GABBR2: variants seen among roughly 807,000 people sequenced by gnomAD.
GABBR2 encodes the protein G-protein coupled receptor 51.
A neutral mutation model predicts 105.6 loss-of-function variants in GABBR2; 23 were observed. The ratio of observed to expected loss-of-function variants is 0.22; its 90% CI spans 0.16 to 0.31. GABBR2 has a LOEUF of 0.31. Ranked by LOEUF, GABBR2 falls within the 10% of genes least tolerant of loss-of-function variation. GABBR2 has a pLI of 1.00. For synonymous variants in GABBR2, 478 were observed against 499.7 expected (o/e 0.96, Z 0.58); for missense variants, 734 against 1,245.5 (o/e 0.59, Z 6.18).
intron 3 of GABBR2, among the ~76,000 whole-genome samples, chr9:98,497,345 G>T (rs1827301991): frequency 6.6e-6 from 1 of 152,064 alleles, no homozygotes; most frequent in Non-Finnish European, 1.5e-5. Flanking sequence ...CAGACCTTCT[G>T]ATTTTTGAGG....
chr9:98,471,878 T>C (rs1826689214), intron 6 of GABBR2, among the ~76,000 whole-genome samples: 2 of 152,234 alleles, frequency 1.3e-5, no homozygotes, highest in Admixed American at 1.3e-4. Context: ...CTGCTCATTA[T>C]TCAACATCTC....
intron 13 of GABBR2, among the ~76,000 whole-genome samples, chr9:98,358,549 C>G (rs1165076295): frequency 6.6e-6 from 1 of 152,212 alleles, no homozygotes; most frequent in Non-Finnish European, 1.5e-5. Flanking sequence ...ACTGACTTGT[C>G]TGTCTTCCTA....
intron 1 of GABBR2, among the ~76,000 whole-genome samples, chr9:98,684,637 G>C (rs1830597976): frequency 6.6e-6 from 1 of 152,160 alleles, no homozygotes; most frequent in Non-Finnish European, 1.5e-5. Flanking sequence ...GTATATTCTG[G>C]AAAGGGGGCT....
intron 1 of GABBR2, among the ~76,000 whole-genome samples, chr9:98,627,171 T>C (rs2131825944): frequency 6.6e-6 from 1 of 152,220 alleles, no homozygotes; most frequent in East Asian, 1.9e-4. Flanking sequence ...TGACCCCCAA[T>C]GTCAGATGTC....
At chr9:98,606,051 T>C (rs1201013950) in intron 1 of GABBR2, among the ~76,000 whole-genome samples, 1 of 152,198 alleles carries the variant, frequency 6.6e-6, no homozygotes, top group Non-Finnish European at 1.5e-5. Flanking sequence ...TGCTATAGTT[T>C]GCTGAGAATG....
At chr9:98,393,034 CCAT>C (rs1832214395) in intron 9 of GABBR2, among the ~76,000 whole-genome samples, 1 of 42,820 alleles carries the variant, frequency 2.3e-5, no homozygotes, top group South Asian at 9.8e-4. Flanking sequence ...ATCCACCCAT[CCAT>C]CCATCCATCC....
intron 6 of GABBR2, among the ~76,000 whole-genome samples, chr9:98,460,096 T>C (rs761942071): frequency 2.0e-5 from 3 of 152,190 alleles, no homozygotes; most frequent in African/African-American, 7.2e-5. Flanking sequence ...CTTGACATTA[T>C]TAGACATGAA....
In GABBR2 at chr9:98,507,682, G is replaced by A. The variant is rs181015691; in HGVS notation, c.631-11168C>T. On this transcript the variant is annotated intron_variant, in intron 3 of 18. Coordinates refer to ENST00000259455, the MANE Select transcript of GABBR2 (RefSeq NM_005458.8). ...ATCTTGAAATGCCAACATGCTGTTT[G>A]AAGCCTTCCCTTGTTCCCAGGCTAG... Among the ~76,000 whole-genome samples, 47 of 152,334 alleles carry A rather than the reference G, an allele frequency of 3.1e-4. 1 individual carries two copies. The highest frequency in any genetic ancestry group is 5.7e-4 in the Non-Finnish European group (39 of 68,038).
intron 7 of GABBR2, among the ~76,000 whole-genome samples, chr9:98,438,553 A>G (rs75472421): frequency 0.017 from 2,515 of 151,346 alleles, 73 homozygotes; most frequent in African/African-American, 0.059. Flanking sequence ...AGTTGGTAGT[A>G]GAAGTTAATT....
chr9:98,431,105 G>A (rs112604906), intron 7 of GABBR2, among the ~76,000 whole-genome samples: 5,010 of 151,698 alleles, frequency 0.033, 151 homozygotes, highest in African/African-American at 0.073. Context: ...TTACCTACTC[G>A]CTTGCACAAC....
chr9:98,577,421 C>T (rs1171284585), intron 2 of GABBR2, among the ~76,000 whole-genome samples: 1 of 152,170 alleles, frequency 6.6e-6, no homozygotes, highest in African/African-American at 2.4e-5. Context: ...GCAAGGAGAC[C>T]AGGAAAGACT....
chr9:98,385,871 C>T (rs770107301), intron 10 of GABBR2, 99 bp from the exon 11 acceptor site: 17 of 957,598 alleles, frequency 1.8e-5, no homozygotes, highest in Non-Finnish European at 2.8e-5. Flanking sequence ...TATTGTTGCT[C>T]AGGCTAGAGG....
At chr9:98,308,236 C>T (rs767775871) in intron 14 of GABBR2, among the ~76,000 whole-genome samples, 8 of 152,130 alleles carry the variant, frequency 5.3e-5, no homozygotes, top group Non-Finnish European at 8.8e-5. Flanking sequence ...TGAAGGTCTC[C>T]ACAATAAATG....
At chr9:98,298,102 A>G (rs1269305408) in intron 17 of GABBR2, among the ~76,000 whole-genome samples, 3 of 151,530 alleles carry the variant, frequency 2.0e-5, no homozygotes, top group Non-Finnish European at 4.4e-5. Flanking sequence ...CCACAATACC[A>G]TTTCTTTTCA....
intron 11 of GABBR2, among the ~76,000 whole-genome samples, chr9:98,379,987 G>C (rs1831943773): frequency 6.7e-6 from 1 of 150,334 alleles, no homozygotes; most frequent in Admixed American, 6.6e-5. Flanking sequence ...TTTTTTTCTG[G>C]TATAAGCCAG....
intron 13 of GABBR2, among the ~76,000 whole-genome samples, chr9:98,359,141 T>C (rs773658242): frequency 2.6e-5 from 4 of 152,204 alleles, no homozygotes; most frequent in African/African-American, 7.2e-5. Context: ...TTATGACATA[T>C]AAATGGCTGG....
intron 1 of GABBR2, among the ~76,000 whole-genome samples, chr9:98,619,734 C>T (rs1829642073): frequency 2.0e-5 from 3 of 152,056 alleles, no homozygotes; most frequent in African/African-American, 4.8e-5. Context: ...TGATTGAGGG[C>T]CCTGATTAAT....
At chr9:98,679,390 A>G (rs1361507244) in intron 1 of GABBR2, among the ~76,000 whole-genome samples, 1 of 152,248 alleles carries the variant, frequency 6.6e-6, no homozygotes, top group Admixed American at 6.5e-5. Context: ...CACCAGCAAT[A>G]GTTAATTAGA....
intron 1 of GABBR2, among the ~76,000 whole-genome samples, chr9:98,675,765 C>G (rs1033386508): frequency 6.6e-6 from 1 of 152,018 alleles, no homozygotes; most frequent in Non-Finnish European, 1.5e-5. Context: ...TATCCGCCAC[C>G]TTTTGCTTTG....
Sources: gnomAD v4.1 joint callset for allele counts (sites outside exome capture counted in the v4.1 genomes callset) on GRCh38, gnomAD v4.1.1 for gene constraint, MANE v1.5 for transcripts, NCBI Gene and HGNC (gene_info 2026-07-23, HGNC 2026-07-21) for gene names.